PPM1K: variants seen among roughly 807,000 people sequenced by gnomAD.
PPM1K encodes the protein protein phosphatase, Mg2+/Mn2+ dependent 1K, also known as protein phosphatase Mn(2+)-dependent 1K.
PPM1K carries 19 observed loss-of-function variants against 32.6 expected under a neutral mutation model. That is an observed-to-expected ratio of 0.58 (90% CI 0.41 to 0.86). The LOEUF (loss-of-function observed/expected upper bound fraction) is 0.86. Among genes scored for constraint, PPM1K ranks in the 40% least tolerant of loss-of-function variants. The pLI is 0.00. For synonymous variants in PPM1K, 159 were observed against 165.3 expected (o/e 0.96, Z 0.29); for missense variants, 362 against 461.2 (o/e 0.78, Z 1.97).
intron 1 of PPM1K, among the ~76,000 whole-genome samples, chr4:88,282,802 A>G (rs1269424562): frequency 6.6e-6 from 1 of 152,246 alleles, no homozygotes; most frequent in Non-Finnish European, 1.5e-5. Context: ...CTTTTAAGAC[A>G]CGTTAGTAAA....
chr4:88,277,943 G>A (rs1731848060), intron 2 of PPM1K: 2 of 596,940 alleles, frequency 3.4e-6, no homozygotes, highest in Admixed American at 6.1e-5. Flanking sequence ...TTTCCCCAGG[G>A]GAGTTGTTAA....
chr4:88,270,020 G>T (rs1731491210), intron 3 of PPM1K, among the ~76,000 whole-genome samples: 1 of 152,180 alleles, frequency 6.6e-6, no homozygotes, highest in Non-Finnish European at 1.5e-5. Context: ...TTTAAAGCAG[G>T]TATTGTCTTT....
chr4:88,281,890 G>A (rs881561), intron 1 of PPM1K, among the ~76,000 whole-genome samples: 48,611 of 151,822 alleles, frequency 0.32, 8,639 homozygotes, highest in Non-Finnish European at 0.4. Context: ...CAGCTCTGCC[G>A]ATGCCCATGG....
rs139888948 is a variant in PPM1K at position 88,270,176 on chromosome 4, A to T, written c.542-1270T>A. Among the ~76,000 whole-genome samples, 522 of 152,330 alleles carry T rather than the reference A, an allele frequency of 3.4e-3. 1 individual carries two copies. Among genetic ancestry groups the T allele is most frequent in the African/African-American group, 0.012 (493 of 41,574 alleles). ...TTCTCCCCAAAAAGATAATTTTGAA[A>T]ACTTCATCAGTAATGCATTGGAAGG... On this transcript the variant is annotated intron_variant, in intron 3 of 6. Transcript: ENST00000608933.
chr4:88,261,347 C>T lies in PPM1K; in HGVS notation c.*1248G>A, dbSNP rs951102357. ...AAGCTATGTCTATAGCAGTATCAGT[C>T]AATGTGGTATTATTTTTATTAACAA... On this transcript the variant is annotated 3_prime_UTR_variant, in exon 7 of 7. Coordinates refer to ENST00000608933, the MANE Select transcript of PPM1K (RefSeq NM_152542.5). 1.8e-4 allele frequency: 28 copies of T among 152,140 alleles called. No individual in the cohort carries two copies. Among genetic ancestry groups the T allele is most frequent in the African/African-American group, 6.5e-4 (27 of 41,436 alleles). 9.4% of individuals were successfully genotyped at this position (152,140 alleles called of 1,614,324 possible). A position where few individuals can be genotyped will look rare whatever the true frequency, so the allele number is the denominator to read the frequency against.
intron 5 of PPM1K, among the ~76,000 whole-genome samples, chr4:88,267,916 T>C (rs915901813): frequency 1.3e-5 from 2 of 152,220 alleles, no homozygotes; most frequent in African/African-American, 2.4e-5. Flanking sequence ...TGTTTGTTTG[T>C]TGTTGTTGTA....
In PPM1K at chr4:88,282,001, CAA is replaced by C. The variant is rs201676776; in HGVS notation, c.-60+2403_-60+2404del. ...AAAAAAGCAATCAGTGTTCTCTAAA[CAA>C]AAAGAGTGGAGAACAAACTAGCAAA... On this transcript the variant is annotated intron_variant, in intron 1 of 6. Transcript: ENST00000608933. Among the ~76,000 whole-genome samples the C allele has an allele frequency of 7.3e-3, 1,096 of 150,998 alleles. 19 individuals carry two copies. The highest frequency in any genetic ancestry group is 0.025 in the African/African-American group (1,051 of 41,234).
At position 88,260,916 on chromosome 4, in the gene PPM1K, A is replaced by C. The variant is rs1451006871; in HGVS notation, c.*1679T>G. ...ACAAATTGCCATATAGCAATTTTTA[A>C]CCTATTTCCTCATCTGCTGATAATC... On this transcript the variant is annotated 3_prime_UTR_variant, in exon 7 of 7. Transcript: ENST00000608933. 7 of 152,166 alleles carry C rather than the reference A, an allele frequency of 4.6e-5. No homozygotes were observed. Among genetic ancestry groups the C allele is most frequent in the Admixed American group, 3.9e-4 (6 of 15,270 alleles). The allele number at this position is 152,166 out of a possible 1,614,324, so 9.4% of individuals were successfully genotyped here.
intron 5 of PPM1K, among the ~76,000 whole-genome samples, chr4:88,267,008 G>C (rs539062517): frequency 6.7e-6 from 1 of 150,118 alleles, no homozygotes; most frequent in African/African-American, 2.5e-5. Context: ...GGGTGCAGGT[G>C]ATGCTGGTTG....
chr4:88,276,779 TA>T lies in PPM1K; in HGVS notation c.541+363del, dbSNP rs199841604. On this transcript the variant is annotated intron_variant, in intron 3 of 6. Transcript: ENST00000608933. ...TCAGCACTTGGTCACCAGATCCATC[TA>T]AAAAAAAAACCAAAAACCCAAAACA... 5.5e-4 allele frequency: 484 copies of T among 883,628 alleles called. 1 individual carries two copies. The highest frequency in any genetic ancestry group is 2.3e-3 in the African/African-American group (122 of 54,156). 54.7% of individuals were successfully genotyped at this position (883,628 alleles called of 1,614,324 possible).
intron 5 of PPM1K, among the ~76,000 whole-genome samples, chr4:88,266,403 G>A (rs1000128564): frequency 9.9e-5 from 15 of 152,122 alleles, no homozygotes; most frequent in Non-Finnish European, 1.2e-4. Context: ...GGGTGCAGGT[G>A]ATGCTGATTG....
rs1303233689 is a variant in PPM1K, at chr4:88,258,840, T to C, written c.*3755A>G. 1 of 151,938 alleles carries C rather than the reference T, an allele frequency of 6.6e-6. No homozygotes were observed. Among genetic ancestry groups the C allele is most frequent in the Non-Finnish European group, 1.5e-5 (1 of 68,026 alleles). The allele number at this position is 151,938 out of a possible 1,614,324, so 9.4% of individuals were successfully genotyped here. ...TGGCTCATGCCTGTAATCCCAGCAC[T>C]TTGGGAGGCCGAGGTGGGTGGATCA... On this transcript the variant is annotated 3_prime_UTR_variant, in exon 7 of 7. Coordinates refer to ENST00000608933, the MANE Select transcript of PPM1K (RefSeq NM_152542.5).
intron 4 of PPM1K, among the ~76,000 whole-genome samples, 176 bp from the exon 5 acceptor site, chr4:88,268,510 A>G (rs1305684735): frequency 6.6e-6 from 1 of 152,144 alleles, no homozygotes; most frequent in African/African-American, 2.4e-5. Flanking sequence ...AGTCCCAGCT[A>G]CTCAGGAGGC....
Position 88,262,045 on chromosome 4 carries a change from C to T in PPM1K, c.*550G>A, listed in dbSNP as rs1731140872. 6.6e-6 allele frequency: 1 copy of T among 152,000 alleles called. No individual in the cohort carries two copies. Among genetic ancestry groups the T allele is most frequent in the African/African-American group, 2.4e-5 (1 of 41,294 alleles). 9.4% of individuals were successfully genotyped at this position (152,000 alleles called of 1,614,324 possible). A position where few individuals can be genotyped will look rare whatever the true frequency, so the allele number is the denominator to read the frequency against. ...CAAATTAATTTCTTTTGCATGGTTGCTTTCACCAGTAAGTGGTCCAGAATA... is the reference window on the plus strand; with the variant it reads ...CAAATTAATTTCTTTTGCATGGTTGTTTTCACCAGTAAGTGGTCCAGAATA... On this transcript the variant is annotated 3_prime_UTR_variant, in exon 7 of 7. Transcript: ENST00000608933.
At chr4:88,272,590 T>C (rs1440201912) in intron 3 of PPM1K, among the ~76,000 whole-genome samples, 1 of 152,202 alleles carries the variant, frequency 6.6e-6, no homozygotes, top group African/African-American at 2.4e-5. Flanking sequence ...TGGGATATCA[T>C]CCGGATTTAC....
chr4:88,277,928 A>C, intron 2 of PPM1K: 1 of 584,898 alleles, frequency 1.7e-6, no homozygotes, highest in African/African-American at 1.9e-5. Flanking sequence ...GATTTTGGTT[A>C]ATGCTTTCCC....
In PPM1K at chr4:88,274,288, A is replaced by C. The variant is rs546623994; in HGVS notation, c.541+2855T>G. On this transcript the variant is annotated intron_variant, in intron 3 of 6. Coordinates refer to ENST00000608933, the MANE Select transcript of PPM1K (RefSeq NM_152542.5). ...TAAAATTCAAATCCACCCAGGAGTGACAGCTCATTAAAATGCAAACATTTT... is the reference window on the plus strand; with the variant it reads ...TAAAATTCAAATCCACCCAGGAGTGCCAGCTCATTAAAATGCAAACATTTT... 4.4e-4 allele frequency among the ~76,000 whole-genome samples: 67 copies of C among 152,356 alleles called. No individual in the cohort carries two copies. The South Asian group carries it at 0.013, about 30-fold the overall frequency.
chr4:88,278,579 G>A lies in PPM1K; in HGVS notation c.5C>T (p.Ser2Leu), dbSNP rs1312955640. M[S>L]TAALITLVRS... is the part of the protein sequence containing the mutation. Reference sequence around the variant, plus strand: ...GACCAAAGTAATTAAGGCAGCTGTTGACATAACTCAGCTCCAAAGGACTCA... The same window carrying A: ...GACCAAAGTAATTAAGGCAGCTGTTAACATAACTCAGCTCCAAAGGACTCA... Residue 2 changes from serine to leucine, a missense_variant, in exon 2 of 7, where the codon TCA becomes TTA. Coordinates refer to ENST00000608933, the MANE Select transcript of PPM1K (RefSeq NM_152542.5). This position sits in a 1 kb window ranked among gnomAD's most constrained non-coding sequence, Gnocchi z 4.2. 1.2e-6 allele frequency: 2 copies of A among 1,603,464 alleles called. No individual in the cohort carries two copies. The highest frequency in any genetic ancestry group is 1.1e-5 in the South Asian group (1 of 89,276).
chr4:88,277,976 A>G (rs904277711), intron 2 of PPM1K, 168 bp downstream of exon 2: 1 of 631,464 alleles, frequency 1.6e-6, no homozygotes, highest in African/African-American at 1.8e-5. Context: ...TGAAATTGTG[A>G]TAACCATAAG....
Sources: gnomAD v4.1 joint callset for allele counts (sites outside exome capture counted in the v4.1 genomes callset) on GRCh38, gnomAD v4.1.1 for gene constraint, Gnocchi (gnomAD v3.1) non-coding constraint, MANE v1.5 for transcripts, NCBI Gene and HGNC (gene_info 2026-07-23, HGNC 2026-07-21) for gene names.